TANC2: variants seen among roughly 807,000 people sequenced by gnomAD.
TANC2 encodes the protein protein TANC2.
In TANC2, 26 loss-of-function variants were observed where a neutral mutation model predicts 210.5. That is an observed-to-expected ratio of 0.12 (90% CI 0.09 to 0.17). The LOEUF is 0.17. TANC2 is among the 10% of genes least tolerant of loss of function. The probability of loss-of-function intolerance (pLI) is 1.00; values close to 1 mark genes in which losing one functional copy is unlikely to be tolerated. For synonymous variants in TANC2, 931 were observed against 967.1 expected, an observed-to-expected ratio of 0.96 and a Z score of 0.69; for missense variants, 2,129 against 2,608.9, an observed-to-expected ratio of 0.82 and a Z score of 4.01.
At chr17:63,121,977 AG>A (rs2038499182) in intron 4 of TANC2, among the ~76,000 whole-genome samples, 1 of 19,672 alleles carries the variant, frequency 5.1e-5, no homozygotes, top group South Asian at 2.0e-3. Context: ...TTGCGGGGGG[AG>A]GGGGGAAGAG....
chr17:63,099,398 C>G (rs753120186), intron 4 of TANC2, 41 bp downstream of exon 4: 2 of 1,406,086 alleles, frequency 1.4e-6, no homozygotes, highest in South Asian at 1.5e-5. Context: ...AACAGGAAAC[C>G]TAACGATATG....
chr17:63,427,023 T>G (rs1042283698), exon 28 of TANC2: 1 of 152,232 alleles, frequency 6.6e-6, no homozygotes, highest in Non-Finnish European at 1.5e-5. Flanking sequence ...CTCCACTTCA[T>G]TCACAGGTGA....
chr17:63,416,230 C>A (rs1310412244), intron 26 of TANC2, among the ~76,000 whole-genome samples: 2 of 152,154 alleles, frequency 1.3e-5, no homozygotes, highest in Non-Finnish European at 2.9e-5. Flanking sequence ...TATCGTCTCC[C>A]TGGTAAGCCA....
chr17:63,163,982 AT>A (rs1456564070), intron 5 of TANC2, among the ~76,000 whole-genome samples: 1 of 152,180 alleles, frequency 6.6e-6, no homozygotes, highest in Non-Finnish European at 1.5e-5. Flanking sequence ...TACTTTGAAA[AT>A]TTTTTAAATA....
At chr17:62,996,474 C>G (rs1484629843) in intron 1 of TANC2, among the ~76,000 whole-genome samples, 2 of 152,134 alleles carry the variant, frequency 1.3e-5, no homozygotes, top group African/African-American at 2.4e-5. Flanking sequence ...CGATTTCTGT[C>G]CGTCACTTCC....
At chr17:63,050,238 G>A (rs2144372638) in intron 2 of TANC2, among the ~76,000 whole-genome samples, 1 of 151,936 alleles carries the variant, frequency 6.6e-6, no homozygotes, top group East Asian at 1.9e-4. Flanking sequence ...GCCTGGTGGT[G>A]CACGCCTACT....
rs1190573535 is a variant in TANC2 at position 63,164,343 on chromosome 17, C to T, written c.433+12963C>T. Among the ~76,000 whole-genome samples, 5 of 151,948 alleles carry T rather than the reference C, an allele frequency of 3.3e-5. No homozygotes were observed. In the East Asian group the frequency reaches 5.8e-4, roughly 18 times the overall value. ...TGGCACCATGAGAGATTTTTCTAAACCCAGACCTCATGAAAGTGGCATGAA... is the reference window on the plus strand; with the variant it reads ...TGGCACCATGAGAGATTTTTCTAAATCCAGACCTCATGAAAGTGGCATGAA... On this transcript the variant is annotated intron_variant, in intron 5 of 27. Transcript: ENST00000689528.
intron 3 of TANC2, among the ~76,000 whole-genome samples, chr17:63,082,598 A>G (rs1568369563): frequency 2.0e-5 from 3 of 152,178 alleles, no homozygotes; most frequent in Non-Finnish European, 2.9e-5. Flanking sequence ...GCAGAGAGGT[A>G]ATTTTCTGAT....
intron 8 of TANC2, among the ~76,000 whole-genome samples, chr17:63,264,957 T>A (rs1437507804): frequency 6.6e-6 from 1 of 152,010 alleles, no homozygotes; most frequent in Non-Finnish European, 1.5e-5. Flanking sequence ...AGACTTCGTC[T>A]CAAAAAAAAG....
At chr17:63,127,591 T>C (rs1050662155) in intron 4 of TANC2, among the ~76,000 whole-genome samples, 2 of 152,226 alleles carry the variant, frequency 1.3e-5, no homozygotes, top group African/African-American at 4.8e-5. Context: ...AATCTATTCA[T>C]GCTTTAATTT....
At chr17:63,054,741 C>T (rs1242443196) in intron 2 of TANC2, among the ~76,000 whole-genome samples, 1 of 152,106 alleles carries the variant, frequency 6.6e-6, no homozygotes, top group Non-Finnish European at 1.5e-5. Context: ...ATATTTCATT[C>T]ATGTCCTCTA....
At chr17:63,068,394 T>G (rs2036279184) in intron 2 of TANC2, among the ~76,000 whole-genome samples, 1 of 152,146 alleles carries the variant, frequency 6.6e-6, no homozygotes, top group Non-Finnish European at 1.5e-5. Context: ...GAAATTTGGT[T>G]GCTCTTATGG....
intron 5 of TANC2, among the ~76,000 whole-genome samples, chr17:63,178,341 ACAC>A (rs2040664376): frequency 6.6e-6 from 1 of 151,984 alleles, no homozygotes; most frequent in African/African-American, 2.4e-5. Flanking sequence ...TCAAAAAAAA[ACAC>A]AAAAAACTGC....
intron 2 of TANC2, among the ~76,000 whole-genome samples, chr17:63,039,065 G>T (rs187726306): frequency 2.0e-5 from 3 of 152,116 alleles, no homozygotes; most frequent in Non-Finnish European, 2.9e-5. Flanking sequence ...CCTAATAAAT[G>T]AATTATTTGT....
intron 2 of TANC2, among the ~76,000 whole-genome samples, chr17:63,044,973 A>G (rs1357288033): frequency 6.6e-6 from 1 of 152,114 alleles, no homozygotes; most frequent in Non-Finnish European, 1.5e-5. Flanking sequence ...GGGCAGGTTC[A>G]GCAAACTGTA....
intron 17 of TANC2, among the ~76,000 whole-genome samples, chr17:63,392,512 CCTT>C (rs1250397638): frequency 3.3e-5 from 5 of 152,160 alleles, no homozygotes; most frequent in African/African-American, 1.2e-4. Flanking sequence ...AGAAGCTACT[CCTT>C]GGTCTCTACC....
intron 9 of TANC2, among the ~76,000 whole-genome samples, chr17:63,312,405 C>G (rs1422515393): frequency 1.3e-5 from 2 of 152,110 alleles, no homozygotes; most frequent in Non-Finnish European, 2.9e-5. Flanking sequence ...GGAATCATGT[C>G]CTTTGCAGGA....
At chr17:63,326,746 C>CA (rs796894169) in intron 11 of TANC2, among the ~76,000 whole-genome samples, 184 of 145,022 alleles carry the variant, frequency 1.3e-3, no homozygotes, top group African/African-American at 2.4e-3. Context: ...ACAACAACAA[C>CA]AAAAAAAAAA....
chr17:63,165,419 G>T (rs1444628355), intron 5 of TANC2, among the ~76,000 whole-genome samples: 1 of 152,208 alleles, frequency 6.6e-6, no homozygotes, highest in Non-Finnish European at 1.5e-5. Context: ...AGCATGAATT[G>T]TTCATCCTTG....
Sources: allele counts gnomAD v4.1 joint callset (sites outside exome capture counted in the v4.1 genomes callset), GRCh38; gene constraint gnomAD v4.1.1; transcripts MANE v1.5; gene names NCBI Gene and HGNC (gene_info 2026-07-23, HGNC 2026-07-21).